The following TEAD1 variants were observed in gnomAD, a reference collection of about 807,000 sequenced individuals.
The protein encoded by TEAD1 is transcriptional enhancer factor TEF-1.
Under a neutral mutation model 54.9 loss-of-function variants are expected in TEAD1, and 9 were observed. That is an observed-to-expected ratio of 0.16 (90% CI 0.10 to 0.29). TEAD1 has a LOEUF of 0.29. Among genes scored for constraint, TEAD1 ranks in the 10% least tolerant of loss-of-function variants. The pLI, the probability that TEAD1 is intolerant of heterozygous loss-of-function variation, is 1.00. For synonymous variants in TEAD1, 200 were observed against 187.8 expected, an observed-to-expected ratio of 1.07 and a Z score of -0.53; for missense variants, 387 against 535.9, an observed-to-expected ratio of 0.72 and a Z score of 2.74.
intron 2 of TEAD1, among the ~76,000 whole-genome samples, chr11:12,732,955 G>C (rs1386292477): frequency 6.6e-6 from 1 of 152,150 alleles, no homozygotes; most frequent in Admixed American, 6.5e-5. Context: ...ATTACTCTTA[G>C]ATCAGAGGAT....
At chr11:12,743,936 A>G (rs1216978153) in intron 2 of TEAD1, among the ~76,000 whole-genome samples, 1 of 152,202 alleles carries the variant, frequency 6.6e-6, no homozygotes, top group African/African-American at 2.4e-5. Flanking sequence ...CTGACTCTTT[A>G]CACGCTGTTA....
intron 3 of TEAD1, among the ~76,000 whole-genome samples, chr11:12,812,206 AT>A (rs1040626921): frequency 5.9e-5 from 9 of 152,124 alleles, no homozygotes; most frequent in Non-Finnish European, 1.0e-4. Flanking sequence ...TCCTGGGTTT[AT>A]AGAGATGGTA....
chr11:12,865,121 G>GTGTGTA (rs1490024702), intron 5 of TEAD1: 1 of 602,264 alleles, frequency 1.7e-6, no homozygotes, highest in Non-Finnish European at 3.0e-6. Context: ...GTGTGTGTGC[G>GTGTGTA]TGTGTATGTG....
chr11:12,697,194 G>T (rs1298744999), intron 2 of TEAD1, among the ~76,000 whole-genome samples: 1 of 145,292 alleles, frequency 6.9e-6, no homozygotes, highest in Non-Finnish European at 1.5e-5. Flanking sequence ...CAATGTGGAA[G>T]GCATGCTGTC....
chr11:12,753,534 T>C lies in TEAD1; in HGVS notation c.-54-10645T>C, dbSNP rs761458118. ...ACTAGGCATGTTGAACACCTTTTCA[T>C]ATGTTTATGGGCCATTTGGTTATGT... On this transcript the variant is annotated intron_variant, in intron 2 of 12. Coordinates refer to ENST00000527636, the MANE Select transcript of TEAD1 (RefSeq NM_021961.6). Among the ~76,000 whole-genome samples, 94 of 152,248 alleles carry C rather than the reference T, an allele frequency of 6.2e-4. 1 individual carries two copies. Among genetic ancestry groups the C allele is most frequent in the Non-Finnish European group, 7.9e-4 (54 of 68,044 alleles).
chr11:12,755,497 C>T (rs1195193974), intron 2 of TEAD1, among the ~76,000 whole-genome samples: 1 of 152,178 alleles, frequency 6.6e-6, no homozygotes, highest in Non-Finnish European at 1.5e-5. Context: ...GTTGACTCCA[C>T]AGGCTACTGG....
At chr11:12,914,703 T>G (rs1211431022) in intron 10 of TEAD1, among the ~76,000 whole-genome samples, 7 of 151,632 alleles carry the variant, frequency 4.6e-5, no homozygotes, top group South Asian at 2.1e-4. Context: ...CCCTTCTCTC[T>G]GCCCATGGCA....
chr11:12,771,271 G>A (rs1265164659), intron 3 of TEAD1, among the ~76,000 whole-genome samples: 1 of 152,188 alleles, frequency 6.6e-6, no homozygotes, highest in East Asian at 1.9e-4. Context: ...CTCATCCTGG[G>A]GGCAGACGGA....
intron 2 of TEAD1, among the ~76,000 whole-genome samples, chr11:12,714,670 G>A (rs1564915656): frequency 6.6e-6 from 1 of 152,156 alleles, no homozygotes; most frequent in Non-Finnish European, 1.5e-5. Context: ...CCATAGGCTG[G>A]GGATTTAAGC....
intron 2 of TEAD1, among the ~76,000 whole-genome samples, chr11:12,708,431 TATCCTGCTGCAGGA>T (rs1202239565): frequency 6.6e-6 from 1 of 152,046 alleles, no homozygotes; most frequent in Non-Finnish European, 1.5e-5. Context: ...TCAGAGACTT[TATCCTGCTGCAGGA>T]ATTAACTCCA....
At chr11:12,870,321 G>T (rs1367031423) in intron 5 of TEAD1, among the ~76,000 whole-genome samples, 1 of 152,170 alleles carries the variant, frequency 6.6e-6, no homozygotes, top group African/African-American at 2.4e-5. Flanking sequence ...GACTGCAGAG[G>T]AGAGATACGA....
chr11:12,862,103 A>G (rs956309780), intron 3 of TEAD1, 147 bp from the exon 4 acceptor site: 3 of 662,804 alleles, frequency 4.5e-6, no homozygotes, highest in Non-Finnish European at 5.4e-6. Flanking sequence ...TTTGCAGACA[A>G]TTGTGCTGTT....
intron 3 of TEAD1, among the ~76,000 whole-genome samples, chr11:12,790,861 A>C (rs753592547): frequency 6.6e-6 from 1 of 152,190 alleles, no homozygotes; most frequent in Non-Finnish European, 1.5e-5. Flanking sequence ...GACAATAACA[A>C]GTGTTGGTGA....
chr11:12,889,634 C>T (rs952973437), intron 9 of TEAD1, among the ~76,000 whole-genome samples: 1 of 152,192 alleles, frequency 6.6e-6, no homozygotes, highest in African/African-American at 2.4e-5. Flanking sequence ...CACTGCCTTG[C>T]AGAAGAGAAG....
At position 12,931,811 on chromosome 11, in the gene TEAD1, C is replaced by T. The variant is rs370970317; in HGVS notation, c.1167+1485C>T. ...AATAAGTAACATTTAAAAATAAAAACCCTGTGCATATTAGATTCATCCAGG... is the reference window on the plus strand; with the variant it reads ...AATAAGTAACATTTAAAAATAAAAATCCTGTGCATATTAGATTCATCCAGG... On this transcript the variant is annotated intron_variant, in intron 12 of 12. Coordinates refer to ENST00000527636, the MANE Select transcript of TEAD1 (RefSeq NM_021961.6). Among the ~76,000 whole-genome samples the T allele has an allele frequency of 2.6e-5, 4 of 152,150 alleles. No homozygotes were observed. In the East Asian group the frequency reaches 7.7e-4, roughly 29 times the overall value.
chr11:12,782,930 T>TA (rs1945588742), intron 3 of TEAD1, among the ~76,000 whole-genome samples: 1 of 152,150 alleles, frequency 6.6e-6, no homozygotes. Flanking sequence ...CCTGATACCC[T>TA]AAAAGTGTCT....
chr11:12,891,320 T>C (rs527612196), intron 9 of TEAD1, among the ~76,000 whole-genome samples: 12 of 152,346 alleles, frequency 7.9e-5, no homozygotes, highest in African/African-American at 2.9e-4. Context: ...TAATTTGTGC[T>C]TCAGGAACAC....
At chr11:12,756,621 A>G (rs1944988276) in intron 2 of TEAD1, among the ~76,000 whole-genome samples, 1 of 152,186 alleles carries the variant, frequency 6.6e-6, no homozygotes, top group African/African-American at 2.4e-5. Context: ...GTCCTTGATG[A>G]TATCAGTCAT....
At chr11:12,677,451 G>C (rs1000998853) in intron 2 of TEAD1, among the ~76,000 whole-genome samples, 4 of 152,034 alleles carry the variant, frequency 2.6e-5, no homozygotes, top group African/African-American at 7.2e-5. Context: ...TTATATATTA[G>C]TATACTCACT....
Sources: gnomAD v4.1 joint callset for allele counts (sites outside exome capture counted in the v4.1 genomes callset) on GRCh38, gnomAD v4.1.1 for gene constraint, MANE v1.5 for transcripts, NCBI Gene and HGNC (gene_info 2026-07-23, HGNC 2026-07-21) for gene names.